The following UNC13C variants were observed in gnomAD, a reference collection of about 807,000 sequenced individuals.
UNC13C encodes the protein unc-13 homolog C, also known as protein unc-13 homolog C.
In UNC13C, 174 loss-of-function variants were observed where a neutral mutation model predicts 245.4. The observed-to-expected ratio is 0.71, with a 90% CI of 0.63 to 0.80. The LOEUF is 0.80. UNC13C is among the 30% of genes least tolerant of loss of function. The pLI is 0.00. For synonymous variants in UNC13C, 992 were observed against 895.1 expected (o/e 1.11, Z -1.93); for missense variants, 2,829 against 2,602.9 (o/e 1.09, Z -1.89).
chr15:54,237,707 G>C lies in UNC13C; in HGVS notation c.3228+17G>C. On this transcript the variant is annotated intron_variant, in intron 7 of 32. Coordinates refer to ENST00000260323, the MANE Select transcript of UNC13C (RefSeq NM_001080534.3). The stretch of plus-strand genomic sequence containing the variant: ...GAGGAACTGGTAAGTACTAGATATT[G>C]CTCATAATATCTAACTAGATATTGC... 1 of 1,565,418 alleles carries C rather than the reference G, an allele frequency of 6.4e-7. No homozygotes were observed. The highest frequency in any genetic ancestry group is 1.1e-5 in the South Asian group (1 of 87,528).
chr15:54,348,627 A>G (rs1018653299), intron 17 of UNC13C, among the ~76,000 whole-genome samples: 8 of 152,204 alleles, frequency 5.3e-5, no homozygotes, highest in Admixed American at 3.9e-4. Flanking sequence ...ACTTACCTGA[A>G]TTTAAATGTG....
At position 54,619,946 on chromosome 15, in the gene UNC13C, G is replaced by T. The variant is rs187863657; in HGVS notation, c.6107-2381G>T. Among the ~76,000 whole-genome samples the T allele has an allele frequency of 6.9e-3, 1,051 of 152,196 alleles. 10 individuals are homozygous for T. The highest frequency in any genetic ancestry group is 0.024 in the African/African-American group (1,015 of 41,544). ...AGTTTCAAAGTGAAAATTCTAAATA[G>T]CATGACTATTAAGCAATAACAGCAA... On this transcript the variant is annotated intron_variant, in intron 30 of 32. Transcript: ENST00000260323.
chr15:54,156,221 G>A, intron 4 of UNC13C, among the ~76,000 whole-genome samples: 1 of 152,078 alleles, frequency 6.6e-6, no homozygotes, highest in East Asian at 1.9e-4. Flanking sequence ...CCAGAAGCAG[G>A]TGCACTCAGG....
chr15:54,611,842 A>G (rs148587682), intron 30 of UNC13C, among the ~76,000 whole-genome samples: 129 of 152,244 alleles, frequency 8.5e-4, no homozygotes, highest in African/African-American at 3.1e-3. Context: ...AGCTTGTGTT[A>G]TATTTTTTGT....
the UNC13C span, among the ~76,000 whole-genome samples, chr15:53,849,543 G>A: frequency 1.3e-5 from 2 of 151,968 alleles, no homozygotes; most frequent in African/African-American, 4.8e-5. Flanking sequence ...ATAAACTCCA[G>A]AATACATTAC....
At chr15:54,421,779 TCAC>T (rs2040649995) in intron 19 of UNC13C, among the ~76,000 whole-genome samples, 1 of 151,996 alleles carries the variant, frequency 6.6e-6, no homozygotes, top group South Asian at 2.1e-4. Context: ...ATAAAAATGA[TCAC>T]CAAAGGAAAA....
At chr15:54,151,293 A>G (rs2032503401) in intron 4 of UNC13C, among the ~76,000 whole-genome samples, 2 of 152,104 alleles carry the variant, frequency 1.3e-5, no homozygotes, top group South Asian at 2.1e-4. Context: ...CCCAAATCAC[A>G]TTTTTTACTT....
At chr15:54,359,341 A>AG (rs142253841) in intron 17 of UNC13C, among the ~76,000 whole-genome samples, 7,240 of 152,030 alleles carry the variant, frequency 0.048, 248 homozygotes, top group Admixed American at 0.11. Context: ...TTATAAAATG[A>AG]GTTGAAAGTA....
At chr15:54,509,845 G>T (rs1894656098) in intron 23 of UNC13C, among the ~76,000 whole-genome samples, 2 of 152,100 alleles carry the variant, frequency 1.3e-5, no homozygotes, top group African/African-American at 2.4e-5. Context: ...AACATTTCAA[G>T]GTCAGGGAAC....
chr15:54,483,720 G>T (rs1329443928), intron 19 of UNC13C, among the ~76,000 whole-genome samples: 2 of 152,128 alleles, frequency 1.3e-5, no homozygotes, highest in African/African-American at 4.8e-5. Context: ...CTCCCAGGGT[G>T]CTGGGATGAC....
At chr15:54,310,600 T>C (rs979139493) in intron 13 of UNC13C, among the ~76,000 whole-genome samples, 1 of 151,796 alleles carries the variant, frequency 6.6e-6, no homozygotes, top group African/African-American at 2.4e-5. Context: ...ATTTTGCAGA[T>C]GGAAAAACTG....
chr15:54,130,737 A>G lies in UNC13C; in HGVS notation c.2984-12281A>G, dbSNP rs957559009. Among the ~76,000 whole-genome samples the G allele has an allele frequency of 4.6e-5, 7 of 152,324 alleles. No individual in the cohort carries two copies. The East Asian group carries it at 1.4e-3, about 29-fold the overall frequency. On this transcript the variant is annotated intron_variant, in intron 2 of 32. Coordinates refer to ENST00000260323, the MANE Select transcript of UNC13C (RefSeq NM_001080534.3). The stretch of plus-strand genomic sequence containing the variant: ...CTTTTCCATTCACGTTCCTAGGTGG[A>G]AAGAAAATTTCCCTCTGTTTCTCCA...
rs546340120 is a variant in UNC13C, at chr15:54,340,100, G to A, written c.4713+1611G>A. Among the ~76,000 whole-genome samples, 119 of 152,136 alleles carry A rather than the reference G, an allele frequency of 7.8e-4. 3 individuals carry two copies. Among genetic ancestry groups the A allele is most frequent in the South Asian group, 1.2e-3 (6 of 4,824 alleles). On this transcript the variant is annotated intron_variant, in intron 17 of 32. Transcript: ENST00000260323. ...ATTTGTATATCTTCTTTTGAGAACTGTCTATTCATGTCCTTATCCCACTTT... is the reference window on the plus strand; with the variant it reads ...ATTTGTATATCTTCTTTTGAGAACTATCTATTCATGTCCTTATCCCACTTT...
intron 30 of UNC13C, among the ~76,000 whole-genome samples, chr15:54,619,745 T>C (rs1284861512): frequency 6.6e-6 from 1 of 152,154 alleles, no homozygotes; most frequent in Non-Finnish European, 1.5e-5. Flanking sequence ...CAACAAATAT[T>C]TAATTGTCCA....
At chr15:54,068,512 A>G (rs564797146) in intron 2 of UNC13C, among the ~76,000 whole-genome samples, 5 of 152,312 alleles carry the variant, frequency 3.3e-5, no homozygotes, top group Middle Eastern at 3.4e-3. Flanking sequence ...TAACTGTACA[A>G]TGGCAAAGTT....
chr15:54,625,205 G>A (rs1901056362), intron 32 of UNC13C, among the ~76,000 whole-genome samples: 1 of 152,112 alleles, frequency 6.6e-6, no homozygotes, highest in Non-Finnish European at 1.5e-5. Context: ...TAAAGACTCT[G>A]ACCTCACTCT....
chr15:54,136,434 TAA>T (rs2031736893), intron 2 of UNC13C, among the ~76,000 whole-genome samples: 1 of 152,216 alleles, frequency 6.6e-6, no homozygotes, highest in Admixed American at 6.5e-5. Flanking sequence ...TTATCAGTTT[TAA>T]GTTTTTTGGT....
intron 19 of UNC13C, among the ~76,000 whole-genome samples, chr15:54,487,572 G>C (rs997017150): frequency 1.3e-5 from 2 of 151,942 alleles, no homozygotes; most frequent in African/African-American, 4.8e-5. Context: ...TTTGGGACCA[G>C]CCTGGCCAAC....
At chr15:54,491,298 T>C (rs973283951) in intron 19 of UNC13C, among the ~76,000 whole-genome samples, 42 of 152,144 alleles carry the variant, frequency 2.8e-4, no homozygotes, top group African/African-American at 1.0e-3. Flanking sequence ...TAAATAGTTA[T>C]AATTTATAAA....
Sources: gnomAD v4.1 joint callset for allele counts (sites outside exome capture counted in the v4.1 genomes callset) on GRCh38, gnomAD v4.1.1 for gene constraint, MANE v1.5 for transcripts, NCBI Gene and HGNC (gene_info 2026-07-23, HGNC 2026-07-21) for gene names.